PTPRQ: variants seen among roughly 807,000 people sequenced by gnomAD.
The protein encoded by PTPRQ is phosphatidylinositol phosphatase PTPRQ.
In PTPRQ, 199 loss-of-function variants were observed where a neutral mutation model predicts 246.0. The observed-to-expected ratio is 0.81, with a 90% CI of 0.72 to 0.91. The LOEUF is 0.91. Ranked by LOEUF, PTPRQ falls within the 40% of genes least tolerant of loss-of-function variation. The pLI, the probability that PTPRQ is intolerant of heterozygous loss-of-function variation, is 0.00. For missense variants in PTPRQ, 2,624 were observed against 2,528.4 expected (o/e 1.04, Z -0.81); for synonymous variants, 869 against 853.2 (o/e 1.02, Z -0.32).
chr12:80,618,264 T>C (rs1475378321), intron 30 of PTPRQ, among the ~76,000 whole-genome samples: 5 of 151,176 alleles, frequency 3.3e-5, no homozygotes, highest in African/African-American at 1.2e-4. Flanking sequence ...ATGTTGATAA[T>C]CCTGTGGGAT....
intron 39 of PTPRQ, among the ~76,000 whole-genome samples, chr12:80,668,806 A>G (rs897005458): frequency 2.6e-5 from 4 of 151,916 alleles, no homozygotes; most frequent in Admixed American, 2.0e-4. Context: ...AATTTTGAGA[A>G]CCATTTGTTG....
intron 23 of PTPRQ, among the ~76,000 whole-genome samples, chr12:80,545,050 C>G (rs539025209): frequency 5.9e-5 from 9 of 152,100 alleles, no homozygotes; most frequent in Non-Finnish European, 1.2e-4. Context: ...TGTTCACTAT[C>G]CCATAAACTA....
chr12:80,483,666 T>C (rs987534260), intron 8 of PTPRQ, among the ~76,000 whole-genome samples: 1 of 152,056 alleles, frequency 6.6e-6, no homozygotes, highest in African/African-American at 2.4e-5. Context: ...ACATGTGTCA[T>C]GGTGGTTTAC....
At chr12:80,638,386 C>T (rs1899736997) in intron 35 of PTPRQ, among the ~76,000 whole-genome samples, 1 of 151,706 alleles carries the variant, frequency 6.6e-6, no homozygotes, top group Non-Finnish European at 1.5e-5. Context: ...CATAACTTTT[C>T]TGAGTCCTGT....
Position 80,494,989 on chromosome 12 carries a change from A to G in PTPRQ, c.1597A>G (p.Ile533Val), listed in dbSNP as rs1178822535. ...DIAAEQLSYV[I>V]RRLVPFTEHM... ...TGCAGCTGAACAGCTGTCTTATGTT[A>G]TCAGGAGACTTGTACCTTTCACTGA... is the stretch of plus-strand genomic sequence containing the variant. The change falls in exon 11 of 45, where the codon ATC becomes GTC. Residue 533 changes from isoleucine to valine, a missense_variant. Ile to Val is a conservative substitution (Grantham distance 29). Transcript: ENST00000644991. 1.9e-6 allele frequency: 3 copies of G among 1,550,364 alleles called. No individual in the cohort carries two copies. The highest frequency in any genetic ancestry group is 2.6e-6 in the Non-Finnish European group (3 of 1,146,114).
chr12:80,450,814 A>G (rs901636728), intron 3 of PTPRQ, among the ~76,000 whole-genome samples: 2 of 152,200 alleles, frequency 1.3e-5, no homozygotes, highest in South Asian at 2.1e-4. Context: ...ATCGATGTTC[A>G]TCAAGGATAT....
At chr12:80,612,154 G>A (rs1898575860) in intron 28 of PTPRQ, among the ~76,000 whole-genome samples, 1 of 150,180 alleles carries the variant, frequency 6.7e-6, no homozygotes, top group African/African-American at 2.4e-5. Flanking sequence ...CACTAATTAT[G>A]TTATGCATCA....
rs1899692005 is a variant in PTPRQ at position 80,637,279 on chromosome 12, AT to A, written c.5915+2208del. 2.0e-5 allele frequency among the ~76,000 whole-genome samples: 3 copies of A among 151,988 alleles called. No homozygotes were observed. In the South Asian group the frequency reaches 6.2e-4, roughly 31 times the overall value. The stretch of plus-strand genomic sequence containing the variant: ...AAAAAGGTGGGCAAGGAATGTACAG[AT>A]TGTTTACTATTGGTTATTTATAATT... On this transcript the variant is annotated intron_variant, in intron 35 of 44. Transcript: ENST00000644991.
intron 25 of PTPRQ, among the ~76,000 whole-genome samples, chr12:80,581,143 C>G (rs1191674038): frequency 6.6e-6 from 1 of 152,152 alleles, no homozygotes; most frequent in Non-Finnish European, 1.5e-5. Flanking sequence ...CTTCTGCCTT[C>G]TCTAGTTCAT....
rs201371823 is a variant in PTPRQ, at chr12:80,670,416, G to A, written c.6526G>A (p.Ala2176Thr). The change falls in exon 42 of 45, where the codon GCC (alanine) becomes ACC (threonine). Residue 2176 changes from alanine to threonine, a missense_variant. Ala to Thr is a moderately conservative substitution (Grantham distance 58). Coordinates refer to ENST00000644991, the MANE Select transcript of PTPRQ (RefSeq NM_001145026.2). The stretch of plus-strand genomic sequence containing the variant: ...AGAGCATGGGGTTCCTGAGAACAGC[G>A]CCCCTCTAATTCACTTTGTGAAGTT... ...WPEHGVPENS[A>T]PLIHFVKLVR... The A allele has an allele frequency of 1.3e-4, 204 of 1,551,146 alleles. No individual in the cohort carries two copies. In the East Asian group the frequency reaches 3.6e-3, roughly 28 times the overall value.
chr12:80,473,172 A>T (rs1026119532), intron 8 of PTPRQ, among the ~76,000 whole-genome samples: 4 of 152,098 alleles, frequency 2.6e-5, no homozygotes, highest in Non-Finnish European at 4.4e-5. Context: ...AACCATTGAT[A>T]TTTTTTTGAA....
At chr12:80,578,156 G>C (rs61951069) in intron 25 of PTPRQ, among the ~76,000 whole-genome samples, 1 of 150,676 alleles carries the variant, frequency 6.6e-6, no homozygotes, top group Non-Finnish European at 1.5e-5. Flanking sequence ...TGCCATGTTG[G>C]TGTGCTGCAC....
intron 3 of PTPRQ, among the ~76,000 whole-genome samples, chr12:80,451,275 CTTTA>C (rs1892760791): frequency 7.2e-6 from 1 of 138,956 alleles, no homozygotes; most frequent in South Asian, 2.5e-4. Context: ...CTCTTTTCTT[CTTTA>C]TTAGTCTTGC....
chr12:80,445,436 T>C (rs956737760), intron 2 of PTPRQ, 55 bp from the exon 3 acceptor site: 1 of 1,114,628 alleles, frequency 9.0e-7, no homozygotes, highest in African/African-American at 1.6e-5. Flanking sequence ...TATGTATTTT[T>C]GTGAAAATGC....
At chr12:80,607,537 C>T (rs1342583146) in intron 27 of PTPRQ, among the ~76,000 whole-genome samples, 2 of 143,410 alleles carry the variant, frequency 1.4e-5, no homozygotes, top group Non-Finnish European at 3.1e-5. Flanking sequence ...TCCAATGTAC[C>T]AGAACTGTGC....
At chr12:80,584,757 C>T (rs61951072) in intron 25 of PTPRQ, among the ~76,000 whole-genome samples, 11 of 152,128 alleles carry the variant, frequency 7.2e-5, no homozygotes, top group Non-Finnish European at 1.3e-4. Context: ...CAATCAAATA[C>T]ATCTGATTTA....
chr12:80,600,956 A>G (rs1592704261), intron 26 of PTPRQ, among the ~76,000 whole-genome samples: 1 of 151,740 alleles, frequency 6.6e-6, no homozygotes, highest in Non-Finnish European at 1.5e-5. Context: ...CTTAGGACAT[A>G]CCAGGCGAAA....
At chr12:80,663,679 CA>C (rs929937319) in intron 39 of PTPRQ, among the ~76,000 whole-genome samples, 4 of 151,858 alleles carry the variant, frequency 2.6e-5, no homozygotes, top group African/African-American at 9.7e-5. Context: ...AATATTGACC[CA>C]TAGCCCTGCT....
intron 32 of PTPRQ, 80 bp downstream of exon 32, chr12:80,620,456 C>A (rs1171330896): frequency 1.3e-6 from 2 of 1,522,888 alleles, no homozygotes; most frequent in Non-Finnish European, 1.8e-6. Flanking sequence ...CCTGTCCTTT[C>A]ATCTTTCCAA....
Sources: gnomAD v4.1 joint callset for allele counts (sites outside exome capture counted in the v4.1 genomes callset) on GRCh38, gnomAD v4.1.1 for gene constraint, MANE v1.5 for transcripts, NCBI Gene and HGNC (gene_info 2026-07-23, HGNC 2026-07-21) for gene names.